RBFOX1: variants seen among roughly 807,000 people sequenced by gnomAD.
The protein encoded by RBFOX1 is RNA binding protein fox-1 homolog 1.
In RBFOX1, 8 loss-of-function variants were observed where a neutral mutation model predicts 57.7. The ratio of observed to expected loss-of-function variants is 0.14; its 90% CI spans 0.08 to 0.25. RBFOX1 has a LOEUF of 0.25. RBFOX1 is among the 10% of genes least tolerant of loss of function. The pLI is 1.00. For missense variants in RBFOX1, 611 were observed against 548.5 expected (o/e 1.11, Z -1.14); for synonymous variants, 326 against 222.4 (o/e 1.47, Z -4.15).
At chr16:5,808,069 A>G (rs2055291241) in intron 3 of RBFOX1, among the ~76,000 whole-genome samples, 1 of 152,190 alleles carries the variant, frequency 6.6e-6, no homozygotes, top group South Asian at 2.1e-4. Flanking sequence ...TTTTGTCCCC[A>G]GTCCCATTTC....
chr16:5,248,466 C>T (rs536257083), intron 1 of RBFOX1, among the ~76,000 whole-genome samples: 2 of 152,320 alleles, frequency 1.3e-5, no homozygotes, highest in African/African-American at 4.8e-5. Flanking sequence ...TTCTATTCGG[C>T]CGCAGCTGGA....
intron 2 of RBFOX1, among the ~76,000 whole-genome samples, chr16:6,559,428 A>G (rs2097149962): frequency 6.6e-6 from 1 of 152,098 alleles, no homozygotes; most frequent in South Asian, 2.1e-4. Context: ...CACTGCTGAG[A>G]TCATCTCAGC....
intron 1 of RBFOX1, among the ~76,000 whole-genome samples, chr16:6,070,785 C>T (rs750465063): frequency 3.3e-5 from 5 of 151,884 alleles, no homozygotes; most frequent in Non-Finnish European, 7.4e-5. Context: ...GAAGTTAGCT[C>T]CTAGGTAATA....
intron 2 of RBFOX1, among the ~76,000 whole-genome samples, chr16:6,603,927 G>A (rs1451184680): frequency 6.7e-6 from 1 of 149,976 alleles, no homozygotes; most frequent in African/African-American, 2.4e-5. Context: ...GGGCGAGGGG[G>A]CTGTTCAGTG....
intron 2 of RBFOX1, among the ~76,000 whole-genome samples, chr16:6,318,276 A>T (rs1248587831): frequency 6.6e-6 from 1 of 152,186 alleles, no homozygotes. Context: ...TTCCATGTCT[A>T]ATTCCCTACG....
chr16:7,062,038 C>T (rs989869401), intron 4 of RBFOX1, among the ~76,000 whole-genome samples: 6 of 152,028 alleles, frequency 3.9e-5, no homozygotes, highest in Non-Finnish European at 7.4e-5. Context: ...GGCAACGAGG[C>T]CGGGTGTGGT....
At chr16:6,945,135 G>T (rs961719229) in intron 3 of RBFOX1, among the ~76,000 whole-genome samples, 2 of 152,124 alleles carry the variant, frequency 1.3e-5, no homozygotes, top group African/African-American at 4.8e-5. Flanking sequence ...AGAGGTAGGG[G>T]CACAGTACAT....
intron 3 of RBFOX1, among the ~76,000 whole-genome samples, chr16:7,029,209 CGT>C (rs1491463660): frequency 5.0e-5 from 2 of 40,206 alleles, no homozygotes; most frequent in African/African-American, 7.3e-5. Context: ...TATACGTATA[CGT>C]ATATATATAC....
chr16:6,809,771 C>T (rs1046129846), intron 3 of RBFOX1, among the ~76,000 whole-genome samples: 3 of 151,226 alleles, frequency 2.0e-5, no homozygotes, highest in Non-Finnish European at 4.4e-5. Flanking sequence ...TCATAGAAAG[C>T]AGTGGCTTTT....
At chr16:6,172,348 A>C (rs1162625033) in intron 1 of RBFOX1, among the ~76,000 whole-genome samples, 1 of 152,170 alleles carries the variant, frequency 6.6e-6, no homozygotes, top group Non-Finnish European at 1.5e-5. Context: ...TGAGTAAGGG[A>C]AACAGAGGAA....
chr16:5,718,366 AC>A (rs1270421787), intron 3 of RBFOX1, among the ~76,000 whole-genome samples: 2 of 152,314 alleles, frequency 1.3e-5, no homozygotes, highest in Admixed American at 6.5e-5. Context: ...TCTCCACCTG[AC>A]CCACAGACAC....
intron 4 of RBFOX1, among the ~76,000 whole-genome samples, chr16:7,371,595 C>T (rs150961004): frequency 6.6e-6 from 1 of 152,058 alleles, no homozygotes; most frequent in African/African-American, 2.4e-5. Context: ...ACTAAAAATA[C>T]AAAAATTAGC....
In RBFOX1 at chr16:6,452,786, T is replaced by C. The variant is rs542287485; in HGVS notation, c.-64+135729T>C. On this transcript the variant is annotated intron_variant, in intron 2 of 15. Coordinates refer to ENST00000550418, the MANE Select transcript of RBFOX1 (RefSeq NM_018723.4). ...TCACTAGCTATGTGACCTGGGTTAA[T>C]AATGAGTCTCTCTGTGTCTCAGTTG... is the stretch of plus-strand genomic sequence containing the variant. Among the ~76,000 whole-genome samples the C allele has an allele frequency of 1.2e-4, 19 of 152,310 alleles. 1 individual carries two copies. In the South Asian group the frequency reaches 2.5e-3, roughly 20 times the overall value.
intron 4 of RBFOX1, among the ~76,000 whole-genome samples, chr16:7,197,998 C>CTTTCTTTATT (rs61556349): frequency 1.8e-5 from 1 of 55,598 alleles, no homozygotes; most frequent in African/African-American, 7.4e-5. Flanking sequence ...TTCTTTCTTT[C>CTTTCTTTATT]TTTTTTTTTT....
At chr16:5,509,097 G>T (rs1053754031) in intron 2 of RBFOX1, among the ~76,000 whole-genome samples, 3 of 152,162 alleles carry the variant, frequency 2.0e-5, no homozygotes, top group Non-Finnish European at 4.4e-5. Flanking sequence ...GTGAAAACTG[G>T]GTCTCAGAGG....
chr16:6,596,150 T>A (rs1432036831), intron 2 of RBFOX1, among the ~76,000 whole-genome samples: 5 of 152,156 alleles, frequency 3.3e-5, no homozygotes, highest in Non-Finnish European at 7.3e-5. Flanking sequence ...TTTTTATTGC[T>A]TATTCTTTTG....
Position 6,019,312 on chromosome 16 carries a change from TC to T in RBFOX1, c.-803del, listed in dbSNP as rs2095024169. 1.0e-6 allele frequency: 1 copy of T among 984,280 alleles called. No homozygotes were observed. The highest frequency in any genetic ancestry group is 1.2e-6 in the Non-Finnish European group (1 of 829,942). 61.0% of individuals were successfully genotyped at this position (984,280 alleles called of 1,614,324 possible). A position where few individuals can be genotyped will look rare whatever the true frequency, so the allele number is the denominator to read the frequency against. On this transcript the variant is annotated 5_prime_UTR_variant, in exon 1 of 16. Transcript: ENST00000550418. The surrounding 1 kb of genome is among the most constrained non-coding windows in gnomAD (Gnocchi z 4.2). ...GGTTTGAAGGTCACCTCCTTTCCAGTCCCCGTGCGAGCCGCGCTGCCGCCGC... is the reference window on the plus strand; with the variant it reads ...GGTTTGAAGGTCACCTCCTTTCCAGTCCCGTGCGAGCCGCGCTGCCGCCGC...
At chr16:5,662,290 A>G (rs1276828587) in intron 3 of RBFOX1, among the ~76,000 whole-genome samples, 3 of 152,168 alleles carry the variant, frequency 2.0e-5, no homozygotes, top group Admixed American at 6.5e-5. Context: ...CTCTTAGAAC[A>G]TATTGAAGAG....
chr16:6,593,183 ACT>A (rs1207856966), intron 2 of RBFOX1, among the ~76,000 whole-genome samples: 3 of 151,700 alleles, frequency 2.0e-5, no homozygotes, highest in Non-Finnish European at 4.4e-5. Context: ...CAGGAGTGAA[ACT>A]CTGTCTCATA....
Sources: gnomAD v4.1 joint callset for allele counts (sites outside exome capture counted in the v4.1 genomes callset) on GRCh38, gnomAD v4.1.1 for gene constraint, Gnocchi (gnomAD v3.1) non-coding constraint, MANE v1.5 for transcripts, NCBI Gene and HGNC (gene_info 2026-07-23, HGNC 2026-07-21) for gene names.